The following NCK2 variants were observed in gnomAD, a reference collection of about 807,000 sequenced individuals.
NCK2 encodes cytoplasmic protein NCK2.
Under a neutral mutation model 33.9 loss-of-function variants are expected in NCK2, and 16 were observed. That is an observed-to-expected ratio of 0.47 (90% CI 0.32 to 0.72). The LOEUF (loss-of-function observed/expected upper bound fraction) is 0.72. Ranked by LOEUF, NCK2 falls within the 30% of genes least tolerant of loss-of-function variation. NCK2 has a pLI of 0.03. For missense variants in NCK2, 418 were observed against 537.3 expected, an observed-to-expected ratio of 0.78 and a Z score of 2.19; for synonymous variants, 273 against 239.9, an observed-to-expected ratio of 1.14 and a Z score of -1.27.
intron 1 of NCK2, among the ~76,000 whole-genome samples, chr2:105,776,984 C>G (rs988074733): frequency 2.0e-5 from 3 of 151,564 alleles, no homozygotes; most frequent in African/African-American, 7.3e-5. Flanking sequence ...GTGTGAAGGG[C>G]TGGACAGCCA....
chr2:105,756,277 C>T (rs1389161366), intron 1 of NCK2, among the ~76,000 whole-genome samples: 5 of 152,170 alleles, frequency 3.3e-5, no homozygotes, highest in African/African-American at 7.2e-5. Flanking sequence ...AGGATAAACA[C>T]GAAATCATCA....
chr2:105,831,410 C>CT (rs56247904), intron 2 of NCK2, among the ~76,000 whole-genome samples: 49,579 of 144,764 alleles, frequency 0.34, 8,512 homozygotes, highest in East Asian at 0.43. Context: ...AGCATGATAT[C>CT]TTTTTTTTTT....
intron 1 of NCK2, among the ~76,000 whole-genome samples, chr2:105,789,216 CT>C (rs1690789575): frequency 6.6e-6 from 1 of 152,076 alleles, no homozygotes; most frequent in Non-Finnish European, 1.5e-5. Flanking sequence ...GAGACAGAGT[CT>C]TACCCTATTG....
At chr2:105,834,382 C>T (rs945870446) in intron 2 of NCK2, among the ~76,000 whole-genome samples, 5 of 152,168 alleles carry the variant, frequency 3.3e-5, no homozygotes, top group South Asian at 2.1e-4. Context: ...TTTATCATTA[C>T]GTAATGACTT....
chr2:105,818,291 G>GGGGGGAC (rs1553456881), intron 2 of NCK2, among the ~76,000 whole-genome samples: 1 of 99,812 alleles, frequency 1.0e-5, no homozygotes, highest in Non-Finnish European at 2.0e-5. Flanking sequence ...GGTGGGGGGA[G>GGGGGGAC]GGGGGAGGGA....
chr2:105,825,672 A>AT (rs1487343454), intron 2 of NCK2, among the ~76,000 whole-genome samples: 1 of 152,082 alleles, frequency 6.6e-6, no homozygotes, highest in South Asian at 2.1e-4. Flanking sequence ...TTTATTAGAG[A>AT]TTTTTTACGG....
upstream of NCK2, chr2:105,744,863 G>GGTCGCCGCCGCC (rs1157372018): frequency 2.7e-4 from 32 of 117,594 alleles, no homozygotes; most frequent in Non-Finnish European, 5.2e-4. Context: ...GCCGGGGGAG[G>GGTCGCCGCCGCC]GTCGCCGCCG....
At chr2:105,830,720 G>T (rs944779785) in intron 2 of NCK2, among the ~76,000 whole-genome samples, 3 of 65,320 alleles carry the variant, frequency 4.6e-5, no homozygotes, top group Admixed American at 1.8e-4. Context: ...TGTGTGTTTG[G>T]TCTGATAATA....
chr2:105,764,953 A>C (rs574552150), intron 1 of NCK2, among the ~76,000 whole-genome samples: 6 of 152,232 alleles, frequency 3.9e-5, no homozygotes, highest in South Asian at 4.1e-4. Flanking sequence ...TGGACATCTA[A>C]ATTTTTGCTC....
At chr2:105,852,610 TGACTG>T (rs1464103869) in intron 2 of NCK2, among the ~76,000 whole-genome samples, 4 of 152,188 alleles carry the variant, frequency 2.6e-5, no homozygotes, top group Non-Finnish European at 5.9e-5. Context: ...GGCGAGATCT[TGACTG>T]GTCTTAAGCG....
chr2:105,797,025 G>T (rs999954449), intron 1 of NCK2, among the ~76,000 whole-genome samples: 3 of 152,146 alleles, frequency 2.0e-5, no homozygotes, highest in Non-Finnish European at 4.4e-5. Flanking sequence ...TTGCAGAAAT[G>T]GATTTAGTCA....
chr2:105,867,862 C>T (rs990718138), intron 3 of NCK2, among the ~76,000 whole-genome samples: 5 of 152,174 alleles, frequency 3.3e-5, no homozygotes, highest in African/African-American at 1.2e-4. Flanking sequence ...CTTAAGTTTA[C>T]GAATAAAGAA....
At chr2:105,804,425 T>C (rs1329699588) in intron 1 of NCK2, among the ~76,000 whole-genome samples, 3 of 152,234 alleles carry the variant, frequency 2.0e-5, no homozygotes, top group African/African-American at 4.8e-5. Flanking sequence ...GTTTTCATGC[T>C]CTTGTCTGGT....
chr2:105,811,608 A>C (rs1675295783), intron 1 of NCK2, among the ~76,000 whole-genome samples: 1 of 152,176 alleles, frequency 6.6e-6, no homozygotes, highest in African/African-American at 2.4e-5. Flanking sequence ...GGTGTGATTG[A>C]GGCCCTGAGT....
intron 2 of NCK2, among the ~76,000 whole-genome samples, chr2:105,835,406 C>CATAT (rs1558861985): frequency 8.2e-5 from 2 of 24,272 alleles, no homozygotes; most frequent in Non-Finnish European, 1.8e-4. Flanking sequence ...TATATATATA[C>CATAT]GTGTATATAT....
chr2:105,859,781 G>C (rs2104597139), intron 3 of NCK2, among the ~76,000 whole-genome samples: 1 of 152,326 alleles, frequency 6.6e-6, no homozygotes, highest in South Asian at 2.1e-4. Flanking sequence ...AACACTTGGT[G>C]TTAGAATTAA....
chr2:105,817,593 AC>A lies in NCK2; in HGVS notation c.-17+981del, dbSNP rs1274350111. Among the ~76,000 whole-genome samples, 6 of 152,200 alleles carry A rather than the reference AC, an allele frequency of 3.9e-5. No individual in the cohort carries two copies. The East Asian group carries it at 9.6e-4, about 24-fold the overall frequency. On this transcript the variant is annotated intron_variant, in intron 2 of 4. Coordinates refer to ENST00000233154, the MANE Select transcript of NCK2 (RefSeq NM_003581.5). ...CTCAAAAAAATTTACAAGAAAAAAA[AC>A]AACCCCATCAACAAGTGGGCAAAGG...
chr2:105,804,039 T>A (rs1674941551), intron 1 of NCK2, among the ~76,000 whole-genome samples: 1 of 152,160 alleles, frequency 6.6e-6, no homozygotes, highest in Non-Finnish European at 1.5e-5. Flanking sequence ...CCTCTCCCTC[T>A]CAGTTAGGTT....
chr2:105,771,207 C>T (rs1193508923), intron 1 of NCK2, among the ~76,000 whole-genome samples: 2 of 151,666 alleles, frequency 1.3e-5, no homozygotes, highest in African/African-American at 4.8e-5. Flanking sequence ...CAGGCGTGAG[C>T]CACCGCGCCC....
Sources: gnomAD v4.1 joint callset for allele counts (sites outside exome capture counted in the v4.1 genomes callset) on GRCh38, gnomAD v4.1.1 for gene constraint, MANE v1.5 for transcripts, NCBI Gene and HGNC (gene_info 2026-07-23, HGNC 2026-07-21) for gene names.